Variants in DYRK1A observed in about 807,000 individuals in gnomAD.
DYRK1A encodes the protein dual specificity tyrosine phosphorylation regulated kinase 1A.
A neutral mutation model predicts 79.7 loss-of-function variants in DYRK1A; 9 were observed. The observed-to-expected ratio is 0.11, with a 90% CI of 0.07 to 0.20. The LOEUF (loss-of-function observed/expected upper bound fraction) is 0.20, where lower values mean the gene tolerates loss of function less well. DYRK1A is among the 10% of genes least tolerant of loss of function. The pLI is 1.00. For missense variants in DYRK1A, 622 were observed against 956.0 expected, an observed-to-expected ratio of 0.65 and a Z score of 4.61; for synonymous variants, 349 against 329.7, an observed-to-expected ratio of 1.06 and a Z score of -0.63.
chr21:37,384,907 TGAA>T (rs1217600724), intron 1 of DYRK1A, among the ~76,000 whole-genome samples: 1 of 152,052 alleles, frequency 6.6e-6, no homozygotes, highest in Non-Finnish European at 1.5e-5. Flanking sequence ...TTAGTGAACT[TGAA>T]GACACAGAAG....
intron 1 of DYRK1A, among the ~76,000 whole-genome samples, chr21:37,385,383 A>ATGGT (rs1401992838): frequency 6.6e-6 from 1 of 152,176 alleles, no homozygotes; most frequent in Non-Finnish European, 1.5e-5. Flanking sequence ...CTAAGCTCAT[A>ATGGT]TGGTTGTTGG....
intron 8 of DYRK1A, among the ~76,000 whole-genome samples, chr21:37,494,982 T>C (rs1042443662): frequency 1.3e-5 from 2 of 151,802 alleles, no homozygotes; most frequent in African/African-American, 4.8e-5. Flanking sequence ...TGTGTATATG[T>C]ATTTGCTGTC....
intron 11 of DYRK1A, among the ~76,000 whole-genome samples, chr21:37,507,251 C>T (rs1165792097): frequency 1.3e-5 from 2 of 152,220 alleles, no homozygotes; most frequent in Non-Finnish European, 2.9e-5. Flanking sequence ...GCCAAGCCCA[C>T]TCATTGCCCT....
At position 37,497,749 on chromosome 21, in the gene DYRK1A, A is replaced by G. The variant is rs73400153; in HGVS notation, c.1212+1491A>G. On this transcript the variant is annotated intron_variant, in intron 9 of 11. Transcript: ENST00000647188. ...TATCATTTCTTTCAAATTGATCTATAGGTATTACTATTTTTAGTTATTTGG... is the reference window on the plus strand; with the variant it reads ...TATCATTTCTTTCAAATTGATCTATGGGTATTACTATTTTTAGTTATTTGG... Among the ~76,000 whole-genome samples, 672 of 152,246 alleles carry G rather than the reference A, an allele frequency of 4.4e-3. 3 individuals carry two copies. Among genetic ancestry groups the G allele is most frequent in the African/African-American group, 0.015 (628 of 41,542 alleles).
chr21:37,372,811 C>T (rs1367267593), intron 1 of DYRK1A, among the ~76,000 whole-genome samples: 1 of 152,108 alleles, frequency 6.6e-6, no homozygotes, highest in African/African-American at 2.4e-5. Context: ...TAAATATTTT[C>T]TTCAGAGAGG....
intron 3 of DYRK1A, among the ~76,000 whole-genome samples, chr21:37,475,274 G>A (rs1859556961): frequency 6.6e-6 from 1 of 152,168 alleles, no homozygotes. Context: ...CTGCAGCTTG[G>A]TGAGCTCCTG....
chr21:37,467,049 A>G (rs1329095588), intron 2 of DYRK1A, among the ~76,000 whole-genome samples: 1 of 151,586 alleles, frequency 6.6e-6, no homozygotes, highest in Non-Finnish European at 1.5e-5. Flanking sequence ...CCTATTAAAC[A>G]TGATCCTTAG....
At chr21:37,452,134 T>C (rs1906177250) in intron 2 of DYRK1A, among the ~76,000 whole-genome samples, 1 of 151,610 alleles carries the variant, frequency 6.6e-6, no homozygotes, top group African/African-American at 2.4e-5. Context: ...GAAGTATTGA[T>C]TTTGAGCTTT....
rs145428358 is a variant in DYRK1A, at chr21:37,446,924, C to T, written c.11-25760C>T. Among the ~76,000 whole-genome samples the T allele has an allele frequency of 9.6e-3, 1,458 of 152,234 alleles. 20 individuals are homozygous for T. The highest frequency in any genetic ancestry group is 0.032 in the African/African-American group (1,333 of 41,520). ...GCTCCCTCTGTGATTTGGGAGCATG[C>T]AGTTCTTCATAAGAATCCCCACTCT... On this transcript the variant is annotated intron_variant, in intron 2 of 11. Coordinates refer to ENST00000647188, the MANE Select transcript of DYRK1A (RefSeq NM_001347721.2).
intron 2 of DYRK1A, among the ~76,000 whole-genome samples, chr21:37,439,822 G>C (rs1482891066): frequency 6.6e-6 from 1 of 152,012 alleles, no homozygotes. Flanking sequence ...TGTTGGATTT[G>C]TCAAATGTTT....
At chr21:37,437,980 G>GT in intron 2 of DYRK1A, among the ~76,000 whole-genome samples, 1 of 152,114 alleles carries the variant, frequency 6.6e-6, no homozygotes, top group Non-Finnish European at 1.5e-5. Context: ...GTTCAGGAGA[G>GT]TTTCAGTTGC....
At chr21:37,423,313 C>T (rs1273898267) in intron 2 of DYRK1A, among the ~76,000 whole-genome samples, 3 of 152,112 alleles carry the variant, frequency 2.0e-5, no homozygotes, top group African/African-American at 7.2e-5. Flanking sequence ...CATATTCCCT[C>T]CTCCTCCCCC....
intron 2 of DYRK1A, among the ~76,000 whole-genome samples, chr21:37,431,163 T>A (rs949284487): frequency 6.6e-6 from 1 of 152,174 alleles, no homozygotes; most frequent in Non-Finnish European, 1.5e-5. Context: ...AAGAACAATA[T>A]GTTTACTCTA....
rs138276270 is a variant in DYRK1A at position 37,505,463 on chromosome 21, C to T, written c.1393C>T (p.Leu465=). 1.1e-5 allele frequency: 17 copies of T among 1,614,194 alleles called. No individual in the cohort carries two copies. The East Asian group carries it at 3.3e-4, about 32-fold the overall frequency. The part of the protein sequence containing the change: ...PKTRIQPYYA[L]QHSFFKKTAD... ...AACTCGAATTCAACCTTATTATGCT[C>T]TGCAGCACAGTTTCTTCAAGAAAAC... Residue 465 remains leucine, a synonymous_variant, in exon 10 of 12, where the codon CTG becomes TTG. Coordinates refer to ENST00000647188, the MANE Select transcript of DYRK1A (RefSeq NM_001347721.2).
chr21:37,417,529 C>CTTTTTTTTTTTT (rs3216074), intron 1 of DYRK1A, among the ~76,000 whole-genome samples: 8 of 44,044 alleles, frequency 1.8e-4, no homozygotes, highest in African/African-American at 4.1e-4. Context: ...TTTTCTTTTT[C>CTTTTTTTTTTTT]TTTTTTTTTT....
chr21:37,386,561 G>A (rs73216418), intron 1 of DYRK1A, among the ~76,000 whole-genome samples: 14,240 of 152,200 alleles, frequency 0.094, 783 homozygotes, highest in Non-Finnish European at 0.12. Flanking sequence ...TTTTTCCTCA[G>A]TTCTTTTAGC....
intron 2 of DYRK1A, among the ~76,000 whole-genome samples, chr21:37,432,676 A>G (rs1157839264): frequency 6.6e-6 from 1 of 152,194 alleles, no homozygotes. Context: ...TGGCTAATAC[A>G]TTACTGGGCA....
intron 1 of DYRK1A, among the ~76,000 whole-genome samples, chr21:37,392,513 T>C (rs1024080100): frequency 1.3e-5 from 2 of 152,206 alleles, no homozygotes; most frequent in South Asian, 4.1e-4. Context: ...GAGAAGTCCA[T>C]ATCAAGGCAC....
intron 2 of DYRK1A, among the ~76,000 whole-genome samples, chr21:37,449,377 G>A (rs2051372505): frequency 6.6e-6 from 1 of 152,164 alleles, no homozygotes; most frequent in Non-Finnish European, 1.5e-5. Context: ...AGTTATTCAG[G>A]CTCTGAACTA....
Sources: allele counts gnomAD v4.1 joint callset (sites outside exome capture counted in the v4.1 genomes callset), GRCh38; gene constraint gnomAD v4.1.1; transcripts MANE v1.5; gene names NCBI Gene and HGNC (gene_info 2026-07-23, HGNC 2026-07-21).